Variants in RAET1E observed in about 807,000 individuals in gnomAD.
The protein encoded by RAET1E is NKG2D ligand 4.
Under a neutral mutation model 21.1 loss-of-function variants are expected in RAET1E, and 27 were observed. The ratio of observed to expected loss-of-function variants is 1.28; its 90% CI spans 0.94 to 1.76. RAET1E has a LOEUF of 1.76. RAET1E is among the 40% of genes most tolerant of loss of function. The probability of loss-of-function intolerance (pLI) is 0.00; values close to 1 mark genes in which losing one functional copy is unlikely to be tolerated. For missense variants in RAET1E, 310 were observed against 311.3 expected, an observed-to-expected ratio of 1.00 and a Z score of 0.03; for synonymous variants, 113 against 115.0, an observed-to-expected ratio of 0.98 and a Z score of 0.11.
Position 149,885,863 on chromosome 6 carries a change from C to A in RAET1E, c.*2635G>T, listed in dbSNP as rs1777586365. Among the ~76,000 whole-genome samples the A allele has an allele frequency of 6.6e-6, 1 of 152,192 alleles. No individual in the cohort carries two copies. The highest frequency in any genetic ancestry group is 2.1e-4 in the South Asian group (1 of 4,834). On this transcript the variant is annotated 3_prime_UTR_variant, in exon 6 of 6. Coordinates refer to ENST00000357183, the MANE Select transcript of RAET1E (RefSeq NM_001394057.1). ...ATTCTCAGGTTACAAAAGTAATGTC[C>A]TCAAGTAAGCGCATCAATTTACTGA...
chr6:149,897,079 G>C (rs1778143577), intron 1 of RAET1E, among the ~76,000 whole-genome samples: 1 of 152,178 alleles, frequency 6.6e-6, no homozygotes, highest in African/African-American at 2.4e-5. Flanking sequence ...TGTCATCCAG[G>C]TGGAGTGCAG....
Position 149,889,332 on chromosome 6 carries a change from C to CA in RAET1E, c.622+15dup. ...TTTAAAGGGAGCTGCCACATTCTCC[C>CA]ACCCAGCTCAGTTACCTGTCGGTTC... is the stretch of plus-strand genomic sequence containing the variant. On this transcript the variant is annotated intron_variant, in intron 5 of 5. Transcript: ENST00000357183. 6.2e-7 allele frequency: 1 copy of CA among 1,613,436 alleles called. No homozygotes were observed. The highest frequency in any genetic ancestry group is 8.5e-7 in the Non-Finnish European group (1 of 1,179,724).
At chr6:149,897,785 G>A (rs1300529782) in intron 1 of RAET1E, among the ~76,000 whole-genome samples, 1 of 152,202 alleles carries the variant, frequency 6.6e-6, no homozygotes, top group African/African-American at 2.4e-5. Context: ...AAGGAGGCAC[G>A]GATCCCTGAG....
intron 5 of RAET1E, 28 bp from the exon 6 acceptor site, chr6:149,888,695 A>T (rs779470436): frequency 1.3e-6 from 2 of 1,543,294 alleles, no homozygotes; most frequent in East Asian, 4.7e-5. Flanking sequence ...AAGAAAAAAA[A>T]GCACAAGCCC....
intron 5 of RAET1E, 182 bp downstream of exon 5, chr6:149,889,166 G>A (rs920227684): frequency 2.8e-6 from 4 of 1,440,388 alleles, no homozygotes; most frequent in African/African-American, 2.9e-5. Context: ...AAGAAACAGT[G>A]GGAGGTGGGA....
In RAET1E at chr6:149,889,540, C is replaced by G; in HGVS notation, c.430G>C (p.Gly144Arg). Residue 144 changes from glycine (G) to arginine (R), a missense_variant, in exon 5 of 6, where the codon GGA (glycine) becomes CGA (arginine). Transcript: ENST00000357183. ...TGASWQFATN[G>R]EKSLLFDAMN... ...GCGTCAAAGAGGAGGGATTTCTCTC[C>G]ATTGGTGGCGAACTGCCAGGATGCA... is the stretch of plus-strand genomic sequence containing the variant. 1 of 1,614,164 alleles carries G rather than the reference C, an allele frequency of 6.2e-7. No individual in the cohort carries two copies. The highest frequency in any genetic ancestry group is 8.5e-7 in the Non-Finnish European group (1 of 1,180,022).
chr6:149,896,675 C>T (rs6935829), intron 1 of RAET1E, among the ~76,000 whole-genome samples: 62,451 of 151,444 alleles, frequency 0.41, 13,691 homozygotes, highest in East Asian at 0.87. Context: ...TGCATGGGTG[C>T]TTGTGTGTGT....
At chr6:149,894,322 G>A (rs1045657678) in intron 2 of RAET1E, among the ~76,000 whole-genome samples, 1 of 152,170 alleles carries the variant, frequency 6.6e-6, no homozygotes, top group Non-Finnish European at 1.5e-5. Context: ...ATGTTGGCCT[G>A]CCTTGCTAGG....
intron 2 of RAET1E, among the ~76,000 whole-genome samples, chr6:149,893,313 T>C (rs1311663602): frequency 6.6e-6 from 1 of 152,242 alleles, no homozygotes; most frequent in African/African-American, 2.4e-5. Flanking sequence ...TTTCACGATA[T>C]TAGTGCTTCC....
Position 149,884,155 on chromosome 6 carries a change from T to C in RAET1E, c.*4343A>G, listed in dbSNP as rs1041844916. On this transcript the variant is annotated 3_prime_UTR_variant, in exon 6 of 6. Coordinates refer to ENST00000357183, the MANE Select transcript of RAET1E (RefSeq NM_001394057.1). ...AGAACCAGGTGGGCTGGTGGTAGGATCATAGGTCCACAATCTCACGAGCAA... is the reference window on the plus strand; with the variant it reads ...AGAACCAGGTGGGCTGGTGGTAGGACCATAGGTCCACAATCTCACGAGCAA... The C allele has an allele frequency of 9.9e-6, 3 of 302,452 alleles. No individual in the cohort carries two copies. Among genetic ancestry groups the C allele is most frequent in the Non-Finnish European group, 1.3e-5 (2 of 158,240 alleles). 18.7% of individuals were successfully genotyped at this position (302,452 alleles called of 1,614,324 possible).
chr6:149,890,324 A>G (rs2115507905), intron 3 of RAET1E, among the ~76,000 whole-genome samples, 179 bp from the exon 4 acceptor site: 1 of 152,172 alleles, frequency 6.6e-6, no homozygotes, highest in Non-Finnish European at 1.5e-5. Flanking sequence ...GTCTGGGATG[A>G]GATACTTGAT....
chr6:149,891,252 C>T (rs1014408929), intron 2 of RAET1E, among the ~76,000 whole-genome samples: 1 of 152,070 alleles, frequency 6.6e-6, no homozygotes, highest in Non-Finnish European at 1.5e-5. Flanking sequence ...TCCTTTCCTC[C>T]AGTTTCCTCT....
chr6:149,893,977 C>G (rs1303849913), intron 2 of RAET1E, among the ~76,000 whole-genome samples: 2 of 152,070 alleles, frequency 1.3e-5, no homozygotes, highest in Non-Finnish European at 2.9e-5. Flanking sequence ...TTTTTGTCAT[C>G]GGTTCTGTTT....
Position 149,888,280 on chromosome 6 carries a change from A to AACACCCCAGGCAGGCG in RAET1E, c.*202_*217dup. ...AACCTGGGCCGGATGGCAAGGAGAC[A>AACACCCCAGGCAGGCG]ACACCCCAGGCAGGCGTTCCAGATC... On this transcript the variant is annotated 3_prime_UTR_variant, in exon 6 of 6. Transcript: ENST00000357183. 1 of 720,608 alleles carries AACACCCCAGGCAGGCG rather than the reference A, an allele frequency of 1.4e-6. No homozygotes were observed. Among genetic ancestry groups the AACACCCCAGGCAGGCG allele is most frequent in the South Asian group, 1.5e-5 (1 of 67,376 alleles). The allele number at this position is 720,608 out of a possible 1,614,324, so 44.6% of individuals were successfully genotyped here.
In RAET1E at chr6:149,889,606, C is replaced by A. The variant is rs1245783394; in HGVS notation, c.364G>T (p.Val122Phe). ...IKTSDPSTLQ[V>F]EMFCQREAER... ...GCTTCACGTTGACAAAACATCTCGACTTGCAGAGTGGAAGGATCTGCAATC... is the reference window on the plus strand; with the variant it reads ...GCTTCACGTTGACAAAACATCTCGAATTGCAGAGTGGAAGGATCTGCAATC... Residue 122 changes from valine (V) to phenylalanine (F), a missense_variant, in exon 5 of 6, where the codon GTC (valine) becomes TTC (phenylalanine). Physicochemically the swap from Val to Phe is conservative, Grantham distance 50. Transcript: ENST00000357183. 6.2e-7 allele frequency: 1 copy of A among 1,614,080 alleles called. No homozygotes were observed. Among genetic ancestry groups the A allele is most frequent in the African/African-American group, 1.3e-5 (1 of 74,936 alleles).
At chr6:149,889,168 G>C in intron 5 of RAET1E, 180 bp downstream of exon 5, 4 of 1,440,826 alleles carry the variant, frequency 2.8e-6, no homozygotes, top group Non-Finnish European at 3.6e-6. Flanking sequence ...GAAACAGTGG[G>C]AGGTGGGATG....
Position 149,890,141 on chromosome 6 carries a change from AC to A in RAET1E, c.89del (p.Gly30ValfsTer10). The A allele has an allele frequency of 6.2e-7, 1 of 1,614,006 alleles. No homozygotes were observed. Among genetic ancestry groups the A allele is most frequent in the East Asian group, 2.2e-5 (1 of 44,886 alleles). ...LLIALEIMVG[G>X]HSLCFNFTIK... is the part of the protein sequence containing the mutation. ...TAGTGAAGTTGAAGCAAAGAGAGTG[AC>A]CACCTGTGAGACAAAGATGCAGGTG... On this transcript the variant is annotated frameshift_variant, in exon 4 of 6. Transcript: ENST00000357183. LOFTEE classifies it high-confidence loss of function.
rs1777641644 is a variant in RAET1E, at chr6:149,887,023, G to T, written c.*1475C>A. Among the ~76,000 whole-genome samples the T allele has an allele frequency of 6.6e-6, 1 of 152,028 alleles. No individual in the cohort carries two copies. Among genetic ancestry groups the T allele is most frequent in the Non-Finnish European group, 1.5e-5 (1 of 68,008 alleles). ...ATACACCTTTCCCCAGGCCCACTCTGCCTCCCACTTCTGTTCAGCTCAGCT... is the reference window on the plus strand; with the variant it reads ...ATACACCTTTCCCCAGGCCCACTCTTCCTCCCACTTCTGTTCAGCTCAGCT... On this transcript the variant is annotated 3_prime_UTR_variant, in exon 6 of 6. Coordinates refer to ENST00000357183, the MANE Select transcript of RAET1E (RefSeq NM_001394057.1).
In RAET1E at chr6:149,888,581, C is replaced by G. The variant is rs2342767; in HGVS notation, c.709G>C (p.Val237Leu). 678,227 of 1,611,410 alleles carry G rather than the reference C, an allele frequency of 0.42. 148,564 individuals are homozygous for G. The highest frequency in any genetic ancestry group is 0.87 in the East Asian group (38,796 of 44,798). ...WIILGAFILL[V>L]LMGIVLICVW... Reference sequence around the variant, plus strand: ...CAGATGAGAACAATTCCCATTAAAACTAACAGGATGAATGCCCCCAGGATG... The same window carrying G: ...CAGATGAGAACAATTCCCATTAAAAGTAACAGGATGAATGCCCCCAGGATG... Residue 237 changes from valine (V) to leucine (L), a missense_variant, in exon 6 of 6, where the codon GTT becomes CTT. Val to Leu is a conservative substitution (Grantham distance 32). Transcript: ENST00000357183.
Sources: gnomAD v4.1 joint callset for allele counts (sites outside exome capture counted in the v4.1 genomes callset) on GRCh38, gnomAD v4.1.1 for gene constraint, MANE v1.5 for transcripts, NCBI Gene and HGNC (gene_info 2026-07-23, HGNC 2026-07-21) for gene names.